Variants in ADAMTS16 observed in about 807,000 individuals in gnomAD.
ADAMTS16 encodes the protein A disintegrin and metalloproteinase with thrombospondin motifs 16.
ADAMTS16 carries 94 observed loss-of-function variants against 145.8 expected under a neutral mutation model. That is an observed-to-expected ratio of 0.64 (90% confidence interval 0.55 to 0.77). The LOEUF (loss-of-function observed/expected upper bound fraction) is 0.77. ADAMTS16 is among the 30% of genes least tolerant of loss of function. The probability of loss-of-function intolerance (pLI) is 0.00; values close to 1 mark genes in which losing one functional copy is unlikely to be tolerated. For missense variants in ADAMTS16, 1,585 were observed against 1,591.5 expected, an observed-to-expected ratio of 1.00 and a Z score of 0.07; for synonymous variants, 659 against 604.3, an observed-to-expected ratio of 1.09 and a Z score of -1.33.
At chr5:5,259,663 T>C (rs1050272124) in intron 17 of ADAMTS16, among the ~76,000 whole-genome samples, 7 of 152,208 alleles carry the variant, frequency 4.6e-5, no homozygotes, top group African/African-American at 1.2e-4. Flanking sequence ...GAATCATCAA[T>C]TGAGTATTCA....
At chr5:5,144,490 C>A (rs975271299) in intron 2 of ADAMTS16, among the ~76,000 whole-genome samples, 1 of 151,958 alleles carries the variant, frequency 6.6e-6, no homozygotes, top group East Asian at 1.9e-4. Flanking sequence ...ACCAATTATC[C>A]GTTGTTGATT....
chr5:5,242,476 T>G (rs1237225279), intron 17 of ADAMTS16, among the ~76,000 whole-genome samples: 1 of 152,128 alleles, frequency 6.6e-6, no homozygotes, highest in East Asian at 1.9e-4. Flanking sequence ...TTTTGTTAAT[T>G]GAGATGAGTC....
chr5:5,222,180 C>T (rs1421665791), intron 10 of ADAMTS16, among the ~76,000 whole-genome samples: 1 of 152,198 alleles, frequency 6.6e-6, no homozygotes, highest in Non-Finnish European at 1.5e-5. Flanking sequence ...TGGTGATTTA[C>T]AGCAAATTCC....
At chr5:5,305,412 C>A (rs1740083528) in intron 20 of ADAMTS16, among the ~76,000 whole-genome samples, 1 of 82,868 alleles carries the variant, frequency 1.2e-5, no homozygotes. Flanking sequence ...ACACACACAT[C>A]CCACACCACA....
intron 18 of ADAMTS16, among the ~76,000 whole-genome samples, chr5:5,263,608 A>C (rs1326436243): frequency 6.6e-6 from 1 of 152,184 alleles, no homozygotes; most frequent in East Asian, 1.9e-4. Flanking sequence ...CACAGGAGCA[A>C]GCTCTGTGCA....
At chr5:5,182,698 A>G (rs1260323988) in intron 4 of ADAMTS16, among the ~76,000 whole-genome samples, 2 of 152,196 alleles carry the variant, frequency 1.3e-5, no homozygotes, top group African/African-American at 4.8e-5. Context: ...ATTTATATGC[A>G]TGCTTATATA....
chr5:5,303,195 A>G (rs931772229), intron 18 of ADAMTS16, 73 bp from the exon 19 acceptor site: 16 of 1,428,196 alleles, frequency 1.1e-5, no homozygotes, highest in African/African-American at 1.4e-5. Context: ...CGCTGCCTCC[A>G]CATCAGATGT....
At chr5:5,292,498 A>AAATAATAATAATAAT (rs55690811) in intron 18 of ADAMTS16, among the ~76,000 whole-genome samples, 9 of 146,816 alleles carry the variant, frequency 6.1e-5, no homozygotes, top group African/African-American at 1.5e-4. Context: ...ACTCCAGCTC[A>AAATAATAATAATAAT]AATAATAATA....
rs1009446780 is a variant in ADAMTS16 at position 5,270,610 on chromosome 5, C to A, written c.2789+7827C>A. On this transcript the variant is annotated intron_variant, in intron 18 of 22. Coordinates refer to ENST00000274181, the MANE Select transcript of ADAMTS16 (RefSeq NM_139056.4). ...CATGGCAAAAACACAGAATAATGGA[C>A]CTACATGGCATATGTCAACCCTTGG... is the stretch of plus-strand genomic sequence containing the variant. Among the ~76,000 whole-genome samples, 3 of 152,202 alleles carry A rather than the reference C, an allele frequency of 2.0e-5. No individual in the cohort carries two copies. The East Asian group carries it at 5.8e-4, about 29-fold the overall frequency.
chr5:5,212,757 A>G (rs571435524), intron 10 of ADAMTS16, among the ~76,000 whole-genome samples: 78 of 152,232 alleles, frequency 5.1e-4, no homozygotes, highest in Non-Finnish European at 9.4e-4. Context: ...ACCTTTTACC[A>G]GCATGTTTAG....
At chr5:5,242,287 C>T (rs955664378) in intron 17 of ADAMTS16, 96 bp downstream of exon 17, 93 of 1,467,834 alleles carry the variant, frequency 6.3e-5, no homozygotes, top group African/African-American at 1.5e-4. Context: ...ATGAGCAGCC[C>T]GGGGCTTCTC....
intron 8 of ADAMTS16, among the ~76,000 whole-genome samples, chr5:5,198,033 A>C (rs1358712863): frequency 1.3e-5 from 2 of 152,204 alleles, no homozygotes; most frequent in Non-Finnish European, 2.9e-5. Context: ...AAATCATTGA[A>C]AATACTTTAA....
intron 3 of ADAMTS16, among the ~76,000 whole-genome samples, chr5:5,150,749 C>A (rs1181041824): frequency 6.6e-6 from 1 of 152,148 alleles, no homozygotes; most frequent in Non-Finnish European, 1.5e-5. Context: ...CTCAGTTGGT[C>A]CATAGTCATC....
At chr5:5,305,104 TC>T (rs1740018858) in intron 20 of ADAMTS16, among the ~76,000 whole-genome samples, 2 of 21,002 alleles carry the variant, frequency 9.5e-5, no homozygotes, top group Non-Finnish European at 1.6e-4. Flanking sequence ...CACACACACA[TC>T]CCACACCACA....
At chr5:5,287,456 T>TA (rs1224809337) in intron 18 of ADAMTS16, among the ~76,000 whole-genome samples, 1 of 152,232 alleles carries the variant, frequency 6.6e-6, no homozygotes, top group Non-Finnish European at 1.5e-5. Flanking sequence ...CAGAGGCTTA[T>TA]ACCTCATATG....
At chr5:5,215,870 GTATATATATATA>G (rs55703329) in intron 10 of ADAMTS16, among the ~76,000 whole-genome samples, 1,087 of 101,636 alleles carry the variant, frequency 0.011, 43 homozygotes, top group African/African-American at 0.043. Context: ...GTGTGTATGT[GTATATATATATA>G]TATATATATA....
At chr5:5,148,989 T>C (rs773225300) in intron 3 of ADAMTS16, among the ~76,000 whole-genome samples, 2 of 152,140 alleles carry the variant, frequency 1.3e-5, no homozygotes, top group Non-Finnish European at 2.9e-5. Flanking sequence ...GTCCTCATAG[T>C]AAAGTTAGAA....
intron 11 of ADAMTS16, among the ~76,000 whole-genome samples, chr5:5,228,566 C>A (rs1019369461): frequency 6.6e-6 from 1 of 151,996 alleles, no homozygotes; most frequent in Non-Finnish European, 1.5e-5. Context: ...GTAACAATAA[C>A]CACCCTTCAA....
chr5:5,195,462 A>C (rs2126583627), intron 8 of ADAMTS16, among the ~76,000 whole-genome samples: 1 of 152,324 alleles, frequency 6.6e-6, no homozygotes, highest in Non-Finnish European at 1.5e-5. Flanking sequence ...CAGTGCTACC[A>C]CAGTCTGATA....
Sources: allele counts gnomAD v4.1 joint callset (sites outside exome capture counted in the v4.1 genomes callset), GRCh38; gene constraint gnomAD v4.1.1; transcripts MANE v1.5; gene names NCBI Gene and HGNC (gene_info 2026-07-23, HGNC 2026-07-21).